DNAH6: variants seen among roughly 807,000 people sequenced by gnomAD.
DNAH6 encodes the protein dynein axonemal heavy chain 6.
In DNAH6, 340 loss-of-function variants were observed where a neutral mutation model predicts 491.4. The observed-to-expected ratio is 0.69, with a 90% CI of 0.63 to 0.76. The LOEUF (loss-of-function observed/expected upper bound fraction) is 0.76, where lower values mean the gene tolerates loss of function less well. Among genes scored for constraint, DNAH6 ranks in the 30% least tolerant of loss-of-function variants. The pLI, the probability that DNAH6 is intolerant of heterozygous loss-of-function variation, is 0.00. For synonymous variants in DNAH6, 1,603 were observed against 1,686.1 expected (o/e 0.95, Z 1.21); for missense variants, 4,443 against 4,972.2 (o/e 0.89, Z 3.20).
At chr2:84,491,914 A>T in the DNAH6 span, among the ~76,000 whole-genome samples, 6 of 152,158 alleles carry the variant, frequency 3.9e-5, no homozygotes, top group Non-Finnish European at 8.8e-5. Context: ...TGGCTGGGCC[A>T]CTTAGTCGTA....
intron 69 of DNAH6, among the ~76,000 whole-genome samples, chr2:84,797,189 C>T (rs1678437072): frequency 1.3e-5 from 2 of 152,202 alleles, no homozygotes; most frequent in African/African-American, 4.8e-5. Flanking sequence ...CAATCTCTAA[C>T]ACAAGCATAA....
intron 4 of DNAH6, among the ~76,000 whole-genome samples, chr2:84,537,790 A>C (rs1277309889): frequency 6.6e-6 from 1 of 152,052 alleles, no homozygotes; most frequent in African/African-American, 2.4e-5. Flanking sequence ...CCATTATTTC[A>C]ATTATATAAA....
intron 64 of DNAH6, among the ~76,000 whole-genome samples, chr2:84,765,623 A>G (rs946113411): frequency 2.0e-5 from 3 of 152,060 alleles, no homozygotes; most frequent in Admixed American, 6.5e-5. Flanking sequence ...GAGAAAAAGG[A>G]TATACAGTCG....
chr2:84,503,635 C>T, the DNAH6 span, among the ~76,000 whole-genome samples: 5 of 150,520 alleles, frequency 3.3e-5, no homozygotes, highest in African/African-American at 9.7e-5. Context: ...ATTTCTCTTT[C>T]GTGTTTGATG....
chr2:84,598,922 T>C (rs1684947331), intron 18 of DNAH6, among the ~76,000 whole-genome samples: 1 of 149,644 alleles, frequency 6.7e-6, no homozygotes, highest in Non-Finnish European at 1.5e-5. Context: ...CCTGGCTACC[T>C]GGGAGGCTGA....
chr2:84,504,334 A>C, the DNAH6 span, among the ~76,000 whole-genome samples: 1 of 152,102 alleles, frequency 6.6e-6, no homozygotes, highest in Non-Finnish European at 1.5e-5. Flanking sequence ...AATTTCTTTG[A>C]GTTTCCTCAA....
rs1009495572 is a variant in DNAH6, at chr2:84,703,536, G to A, written c.8203G>A (p.Ala2735Thr). The change falls in exon 50 of 77, where the codon GCA becomes ACA. Residue 2735 changes from alanine (A) to threonine (T), a missense_variant. Physicochemically the swap from Ala to Thr is moderately conservative, Grantham distance 58. Transcript: ENST00000389394. ...EDVEALMEKL[A>T]VDQESADQVR... ...TGTTGAAGCCCTGATGGAAAAATTG[G>A]CAGTGGATCAAGAAAGTGCCGATCA... 3.2e-6 allele frequency: 5 copies of A among 1,551,216 alleles called. No homozygotes were observed. Among genetic ancestry groups the A allele is most frequent in the South Asian group, 1.2e-5 (1 of 83,946 alleles).
chr2:84,816,443 G>T (rs1416734254), intron 76 of DNAH6, among the ~76,000 whole-genome samples: 1 of 152,014 alleles, frequency 6.6e-6, no homozygotes, highest in Non-Finnish European at 1.5e-5. Context: ...AAATGAATAG[G>T]CCGGGAAAGG....
chr2:84,571,927 AAAAAGAAAAAAG>A (rs1407902606), intron 11 of DNAH6, among the ~76,000 whole-genome samples: 1 of 152,076 alleles, frequency 6.6e-6, no homozygotes, highest in Non-Finnish European at 1.5e-5. Flanking sequence ...CAAAAAGAAA[AAAAAGAAAAAAG>A]AAAACCAAAA....
rs989704066 is a variant in DNAH6 at position 84,650,149 on chromosome 2, G to A, written c.5079-3170G>A. Among the ~76,000 whole-genome samples the A allele has an allele frequency of 7.9e-5, 12 of 152,002 alleles. 1 individual carries two copies. In the Middle Eastern group the frequency reaches 0.014, roughly 172 times the overall value. On this transcript the variant is annotated intron_variant, in intron 33 of 76. Transcript: ENST00000389394. Reference sequence around the variant, plus strand: ...ATTTCTTCGGGTTTATCCTGTTTTAGATTTGATCAACTTCTTAAATCTGTA... The same window carrying A: ...ATTTCTTCGGGTTTATCCTGTTTTAAATTTGATCAACTTCTTAAATCTGTA...
chr2:84,661,348 A>G (rs1691490736), intron 37 of DNAH6, among the ~76,000 whole-genome samples: 1 of 152,182 alleles, frequency 6.6e-6, no homozygotes, highest in African/African-American at 2.4e-5. Flanking sequence ...CAATAAGGCA[A>G]GAAAAAGAAA....
chr2:84,635,761 AACTAAACC>A (rs1453518945), intron 30 of DNAH6, among the ~76,000 whole-genome samples: 1 of 152,102 alleles, frequency 6.6e-6, no homozygotes, highest in African/African-American at 2.4e-5. Flanking sequence ...AGAATAGGTA[AACTAAACC>A]ACAGAAATTG....
intron 76 of DNAH6, among the ~76,000 whole-genome samples, chr2:84,818,358 CACGCCTGTAG>C (rs1680691818): frequency 6.6e-6 from 1 of 151,608 alleles, no homozygotes; most frequent in Non-Finnish European, 1.5e-5. Flanking sequence ...GTGTGGTGCA[CACGCCTGTAG>C]TCCCAGCCGC....
intron 38 of DNAH6, 145 bp from the exon 39 acceptor site, chr2:84,670,183 T>C (rs1177999504): frequency 3.4e-6 from 2 of 587,438 alleles, no homozygotes; most frequent in African/African-American, 1.9e-5. Context: ...CTAAATGGAA[T>C]CTCCAGTAAG....
intron 2 of DNAH6, among the ~76,000 whole-genome samples, chr2:84,524,315 A>C (rs558456187): frequency 6.6e-6 from 1 of 151,130 alleles, no homozygotes; most frequent in East Asian, 1.9e-4. Context: ...ATTTTCCTCC[A>C]TCCCTTTTCT....
intron 4 of DNAH6, 29 bp downstream of exon 4, chr2:84,529,195 CAT>C: frequency 6.9e-7 from 1 of 1,452,436 alleles, no homozygotes. Flanking sequence ...TGCAATTTAA[CAT>C]AAAAATTACA....
chr2:84,462,083 A>G, the DNAH6 span, among the ~76,000 whole-genome samples: 1 of 152,254 alleles, frequency 6.6e-6, no homozygotes, highest in Non-Finnish European at 1.5e-5. Context: ...TAATATAGCT[A>G]CAAAGATAAT....
chr2:84,732,661 C>T (rs759658972), intron 61 of DNAH6, among the ~76,000 whole-genome samples: 2 of 152,092 alleles, frequency 1.3e-5, no homozygotes, highest in Non-Finnish European at 2.9e-5. Flanking sequence ...AAGGGGTACA[C>T]GGTATCTTTT....
intron 64 of DNAH6, among the ~76,000 whole-genome samples, chr2:84,773,213 C>G (rs760490254): frequency 1.8e-4 from 28 of 152,014 alleles, no homozygotes; most frequent in Non-Finnish European, 3.2e-4. Context: ...TTTCAACCCT[C>G]TCTTCCTCCC....
Sources: allele counts gnomAD v4.1 joint callset (sites outside exome capture counted in the v4.1 genomes callset), GRCh38; gene constraint gnomAD v4.1.1; transcripts MANE v1.5; gene names NCBI Gene and HGNC (gene_info 2026-07-23, HGNC 2026-07-21).